TNS3: variants seen among roughly 807,000 people sequenced by gnomAD.
TNS3 encodes the protein tensin-3.
A neutral mutation model predicts 140.9 loss-of-function variants in TNS3; 45 were observed. The observed-to-expected ratio is 0.32, with a 90% CI of 0.25 to 0.41. The LOEUF (loss-of-function observed/expected upper bound fraction) is 0.41. Among genes scored for constraint, TNS3 ranks in the 10% least tolerant of loss-of-function variants. TNS3 has a pLI of 1.00. For missense variants in TNS3, 1,716 were observed against 1,906.7 expected (o/e 0.90, Z 1.86); for synonymous variants, 815 against 788.4 (o/e 1.03, Z -0.56).
chr7:47,328,944 C>G (rs1236260531), intron 20 of TNS3, among the ~76,000 whole-genome samples: 1 of 152,218 alleles, frequency 6.6e-6, no homozygotes, highest in Non-Finnish European at 1.5e-5. Context: ...CTTCCATGTT[C>G]TTTGCTCATA....
At chr7:47,533,557 A>G (rs1049724657) in intron 1 of TNS3, among the ~76,000 whole-genome samples, 109 of 152,088 alleles carry the variant, frequency 7.2e-4, no homozygotes, top group African/African-American at 2.6e-3. Context: ...AAGGATATAG[A>G]AAGTCCTCTC....
At chr7:47,302,817 A>G in intron 22 of TNS3, 133 bp downstream of exon 22, 1 of 1,266,190 alleles carries the variant, frequency 7.9e-7, no homozygotes, top group Admixed American at 2.4e-5. Flanking sequence ...AAAGTACCCC[A>G]ACGGCTCTGG....
intron 3 of TNS3, among the ~76,000 whole-genome samples, chr7:47,492,236 G>A (rs544049188): frequency 4.6e-5 from 7 of 152,308 alleles, no homozygotes; most frequent in African/African-American, 1.4e-4. Context: ...CACAGTGGGG[G>A]CAGCCCCTCA....
intron 24 of TNS3, among the ~76,000 whole-genome samples, chr7:47,294,474 A>G (rs1785892390): frequency 1.3e-5 from 2 of 152,374 alleles, no homozygotes; most frequent in South Asian, 4.1e-4. Context: ...AAGTACAAAC[A>G]GCACAACCAA....
intron 4 of TNS3, among the ~76,000 whole-genome samples, chr7:47,472,467 T>C (rs1240329639): frequency 6.6e-6 from 1 of 152,190 alleles, no homozygotes; most frequent in African/African-American, 2.4e-5. Flanking sequence ...TCACTGTGTG[T>C]GCCCATCAAG....
At chr7:47,324,639 C>A (rs1275028468) in intron 20 of TNS3, among the ~76,000 whole-genome samples, 3 of 152,150 alleles carry the variant, frequency 2.0e-5, no homozygotes, top group African/African-American at 7.2e-5. Context: ...GTAGTCCCAG[C>A]TACTCAGGAG....
At chr7:47,555,401 C>CAA (rs59842217) in intron 1 of TNS3, among the ~76,000 whole-genome samples, 212 of 117,864 alleles carry the variant, frequency 1.8e-3, no homozygotes, top group Middle Eastern at 4.5e-3. Context: ...GACTTTGTCT[C>CAA]AAAAAAAAAA....
intron 2 of TNS3, among the ~76,000 whole-genome samples, chr7:47,507,981 A>C (rs1265383115): frequency 6.6e-6 from 1 of 152,190 alleles, no homozygotes; most frequent in Non-Finnish European, 1.5e-5. Context: ...GGAATCCTTC[A>C]AGGGACCCTG....
chr7:47,383,711 A>G (rs570473321), intron 16 of TNS3, among the ~76,000 whole-genome samples: 1 of 152,294 alleles, frequency 6.6e-6, no homozygotes, highest in African/African-American at 2.4e-5. Flanking sequence ...CTCTGACCCC[A>G]GGTAGACAGG....
intron 20 of TNS3, among the ~76,000 whole-genome samples, chr7:47,319,670 T>C (rs1223660602): frequency 1.3e-5 from 2 of 152,184 alleles, no homozygotes; most frequent in Admixed American, 6.5e-5. Context: ...GAAAACCTTA[T>C]TCTATGTGGC....
intron 28 of TNS3, among the ~76,000 whole-genome samples, chr7:47,280,636 G>A (rs553468466): frequency 2.9e-4 from 44 of 152,290 alleles, no homozygotes; most frequent in African/African-American, 7.5e-4. Context: ...CTAACAAGCC[G>A]GGTGCAGTGG....
chr7:47,476,026 G>A (rs1584740408), intron 4 of TNS3, among the ~76,000 whole-genome samples: 1 of 152,174 alleles, frequency 6.6e-6, no homozygotes, highest in South Asian at 2.1e-4. Flanking sequence ...CACAGCAAAG[G>A]CTGTGGGCAC....
intron 4 of TNS3, among the ~76,000 whole-genome samples, chr7:47,452,704 CT>C (rs1404154061): frequency 6.6e-6 from 1 of 152,232 alleles, no homozygotes; most frequent in Non-Finnish European, 1.5e-5. Flanking sequence ...CTTTGCTCTT[CT>C]CACAAATAAG....
chr7:47,504,746 C>T (rs1798352523), intron 3 of TNS3, among the ~76,000 whole-genome samples: 1 of 152,152 alleles, frequency 6.6e-6, no homozygotes, highest in African/African-American at 2.4e-5. Context: ...GGAGTTATGG[C>T]CCTCATATCC....
chr7:47,353,988 AC>A (rs1225791895), intron 17 of TNS3, among the ~76,000 whole-genome samples: 23 of 103,150 alleles, frequency 2.2e-4, no homozygotes, highest in African/African-American at 8.7e-4. Context: ...AACACAGAGG[AC>A]AAAACACACA....
At chr7:47,504,034 G>A (rs1473754489) in intron 3 of TNS3, among the ~76,000 whole-genome samples, 4 of 152,142 alleles carry the variant, frequency 2.6e-5, no homozygotes, top group Admixed American at 1.3e-4. Context: ...GAATCTGGGG[G>A]AGACACAAAC....
intron 1 of TNS3, among the ~76,000 whole-genome samples, chr7:47,541,979 A>G (rs960968556): frequency 6.6e-6 from 1 of 151,348 alleles, no homozygotes; most frequent in African/African-American, 2.4e-5. Context: ...CCACAGAGAC[A>G]GTCTCAGAGA....
chr7:47,430,234 T>TTATCC (rs1794863756), intron 8 of TNS3, among the ~76,000 whole-genome samples: 2 of 151,882 alleles, frequency 1.3e-5, no homozygotes, highest in Admixed American at 1.3e-4. Flanking sequence ...GTTCAAGCGA[T>TTATCC]TATCCTGCCT....
chr7:47,344,820 T>C lies in TNS3; in HGVS notation c.2585A>G (p.His862Arg). 7 of 1,613,774 alleles carry C rather than the reference T, an allele frequency of 4.3e-6. No homozygotes were observed. Among genetic ancestry groups the C allele is most frequent in the Non-Finnish European group, 5.9e-6 (7 of 1,179,984 alleles). The change falls in exon 20 of 31, where the codon CAT becomes CGT. Residue 862 changes from histidine to arginine, a missense_variant. Transcript: ENST00000311160. ...ETPYVKTALR[H>R]PPFSPPEPPL... ...GGGCTCAGGTGGGCTGAACGGAGGA[T>C]GGCGCAGCGCTGTTTTCACTGGAAA...
Sources: allele counts gnomAD v4.1 joint callset (sites outside exome capture counted in the v4.1 genomes callset), GRCh38; gene constraint gnomAD v4.1.1; transcripts MANE v1.5; gene names NCBI Gene and HGNC (gene_info 2026-07-23, HGNC 2026-07-21).